Variants in PDE1C observed in about 807,000 individuals in gnomAD.
PDE1C encodes phosphodiesterase 1C, also known as dual specificity calcium/calmodulin-dependent 3',5'-cyclic nucleotide phosphodiesterase 1C.
Under a neutral mutation model 93.1 loss-of-function variants are expected in PDE1C, and 62 were observed. The ratio of observed to expected loss-of-function variants is 0.67; its 90% confidence interval spans 0.54 to 0.82. PDE1C has a LOEUF of 0.82. Ranked by LOEUF, PDE1C falls within the 40% of genes least tolerant of loss-of-function variation. The pLI, the probability that PDE1C is intolerant of heterozygous loss-of-function variation, is 0.00. For missense variants in PDE1C, 742 were observed against 884.6 expected (o/e 0.84, Z 2.04); for synonymous variants, 325 against 310.1 (o/e 1.05, Z -0.50).
chr7:32,204,125 C>T (rs10248784), intron 2 of PDE1C, among the ~76,000 whole-genome samples: 51,235 of 151,574 alleles, frequency 0.34, 9,223 homozygotes, highest in Admixed American at 0.46. Context: ...ACGAGAGGGC[C>T]CCTAAGTCAC....
intron 1 of PDE1C, among the ~76,000 whole-genome samples, chr7:32,386,925 G>A (rs1338419704): frequency 6.6e-6 from 1 of 151,184 alleles, no homozygotes; most frequent in Admixed American, 6.6e-5. Context: ...TCTCGCAGAG[G>A]GGGATTTGGC....
Position 31,775,744 on chromosome 7 carries a change from A to G in PDE1C, c.1892-12T>C, listed in dbSNP as rs759691322. 6.2e-7 allele frequency: 1 copy of G among 1,610,382 alleles called. No individual in the cohort carries two copies. The highest frequency in any genetic ancestry group is 8.5e-7 in the Non-Finnish European group (1 of 1,177,754). On this transcript the variant is annotated splice_polypyrimidine_tract_variant and intron_variant, in intron 16 of 17. Coordinates refer to ENST00000396191, the MANE Select transcript of PDE1C (RefSeq NM_001191057.4). Reference sequence around the variant, plus strand: ...ACGCTGTTTTGTGCCTGTGAAGAGGAAAAAGAGGATAAGGAAAAGTAGGAT... The same window carrying G: ...ACGCTGTTTTGTGCCTGTGAAGAGGGAAAAGAGGATAAGGAAAAGTAGGAT...
the PDE1C span, among the ~76,000 whole-genome samples, chr7:31,735,205 C>A: frequency 2.0e-5 from 3 of 152,122 alleles, no homozygotes; most frequent in South Asian, 2.1e-4. Flanking sequence ...TTGAGACCAG[C>A]CTGACCAACA....
chr7:31,764,911 A>C (rs760289998), intron 17 of PDE1C, among the ~76,000 whole-genome samples: 4 of 152,244 alleles, frequency 2.6e-5, no homozygotes, highest in Non-Finnish European at 5.9e-5. Flanking sequence ...TTGAATATAC[A>C]CAAGCTGGAA....
At chr7:32,078,625 G>A (rs1045580135) in intron 3 of PDE1C, among the ~76,000 whole-genome samples, 9 of 152,100 alleles carry the variant, frequency 5.9e-5, no homozygotes, top group Non-Finnish European at 1.2e-4. Context: ...CTGGACTACC[G>A]TATTAAAGTT....
chr7:31,630,261 A>AAC, the PDE1C span, among the ~76,000 whole-genome samples: 1 of 151,552 alleles, frequency 6.6e-6, no homozygotes, highest in Non-Finnish European at 1.5e-5. Context: ...AAAAAAAAAA[A>AAC]ACATTGAAAA....
chr7:32,348,847 G>T (rs1213551003), intron 1 of PDE1C, among the ~76,000 whole-genome samples: 2 of 152,120 alleles, frequency 1.3e-5, no homozygotes, highest in Non-Finnish European at 2.9e-5. Context: ...GCCCTGTTCT[G>T]TACAGGTGAG....
At chr7:32,251,360 G>A (rs1352782781) in intron 1 of PDE1C, among the ~76,000 whole-genome samples, 2 of 152,210 alleles carry the variant, frequency 1.3e-5, no homozygotes, top group African/African-American at 2.4e-5. Flanking sequence ...GTGGCCTAGA[G>A]CTGCAACTCA....
the PDE1C span, among the ~76,000 whole-genome samples, chr7:31,680,215 T>C: frequency 6.6e-6 from 1 of 152,198 alleles, no homozygotes. Flanking sequence ...TGAGTGGTGA[T>C]CACTGTTTCA....
chr7:32,230,086 T>C (rs1236735662), intron 1 of PDE1C, among the ~76,000 whole-genome samples: 1 of 152,126 alleles, frequency 6.6e-6, no homozygotes, highest in African/African-American at 2.4e-5. Context: ...GCCTGTCAGG[T>C]CCTGGGAGGG....
chr7:32,368,604 C>T (rs1446964915), intron 1 of PDE1C, among the ~76,000 whole-genome samples: 1 of 152,038 alleles, frequency 6.6e-6, no homozygotes, highest in South Asian at 2.1e-4. Flanking sequence ...ATTCAATGAA[C>T]CTCTACCAAA....
At chr7:32,077,761 G>A (rs916952983) in intron 3 of PDE1C, 1 of 550,816 alleles carries the variant, frequency 1.8e-6, no homozygotes. Context: ...AGTAGAGACG[G>A]GGTTTCACCA....
At chr7:31,915,400 T>A (rs1583943601) in intron 2 of PDE1C, among the ~76,000 whole-genome samples, 1 of 152,246 alleles carries the variant, frequency 6.6e-6, no homozygotes, top group Admixed American at 6.5e-5. Context: ...TTCCTAAAAA[T>A]CCCTGCCTAG....
chr7:32,041,164 G>A lies in PDE1C; in HGVS notation c.128+10390C>T, dbSNP rs191561814. 3.5e-4 allele frequency among the ~76,000 whole-genome samples: 53 copies of A among 152,174 alleles called. 1 individual carries two copies. Among genetic ancestry groups the A allele is most frequent in the Admixed American group, 3.5e-3 (53 of 15,272 alleles). ...AGACTATTTCATTCCAGGCTCACAA[G>A]AACCCTAGGAAGCAAATACTATTTC... On this transcript the variant is annotated intron_variant, in intron 2 of 17. Coordinates refer to ENST00000396191, the MANE Select transcript of PDE1C (RefSeq NM_001191057.4).
intron 1 of PDE1C, among the ~76,000 whole-genome samples, chr7:32,316,762 G>A (rs1411878455): frequency 6.6e-6 from 1 of 152,184 alleles, no homozygotes; most frequent in Admixed American, 6.5e-5. Context: ...GTTGGCAGCA[G>A]GTGGGAGTAT....
the PDE1C span, among the ~76,000 whole-genome samples, chr7:31,625,936 G>A: frequency 3.3e-5 from 5 of 151,948 alleles, no homozygotes; most frequent in Admixed American, 2.6e-4. Flanking sequence ...TTAGTAAGAA[G>A]GGTTTTTATT....
chr7:32,425,375 ACT>A (rs1453649942), intron 1 of PDE1C, among the ~76,000 whole-genome samples: 1 of 151,854 alleles, frequency 6.6e-6, no homozygotes, highest in African/African-American at 2.4e-5. Context: ...CTCAAATACC[ACT>A]CTTTTCAAAA....
intron 2 of PDE1C, among the ~76,000 whole-genome samples, chr7:31,945,707 A>G (rs1806517101): frequency 6.6e-6 from 1 of 152,070 alleles, no homozygotes; most frequent in African/African-American, 2.4e-5. Flanking sequence ...CTATAGTTTC[A>G]TATATGTCAT....
intron 16 of PDE1C, among the ~76,000 whole-genome samples, chr7:31,797,107 C>T (rs1785396091): frequency 6.6e-6 from 1 of 151,654 alleles, no homozygotes; most frequent in Non-Finnish European, 1.5e-5. Context: ...TTCCACATGA[C>T]ATAAATATGT....
Sources: gnomAD v4.1 joint callset for allele counts (sites outside exome capture counted in the v4.1 genomes callset) on GRCh38, gnomAD v4.1.1 for gene constraint, MANE v1.5 for transcripts, NCBI Gene and HGNC (gene_info 2026-07-23, HGNC 2026-07-21) for gene names.